RSF1: variants seen among roughly 807,000 people sequenced by gnomAD.
RSF1 encodes HBV pX-associated protein 8.
In RSF1, 13 loss-of-function variants were observed where a neutral mutation model predicts 145.2. The observed-to-expected ratio is 0.09, with a 90% CI of 0.06 to 0.14. RSF1 has a LOEUF of 0.14. Among genes scored for constraint, RSF1 ranks in the 10% least tolerant of loss-of-function variants. The pLI is 1.00. For missense variants in RSF1, 1,517 were observed against 1,718.2 expected, an observed-to-expected ratio of 0.88 and a Z score of 2.07; for synonymous variants, 577 against 592.6, an observed-to-expected ratio of 0.97 and a Z score of 0.38.
intron 15 of RSF1, among the ~76,000 whole-genome samples, chr11:77,671,634 A>ATTTTT (rs145812199): frequency 1.6e-5 from 2 of 122,382 alleles, no homozygotes; most frequent in East Asian, 4.8e-4. Context: ...GGTTATATGG[A>ATTTTT]TTTTTTTTTT....
chr11:77,783,962 G>A (rs922720248), intron 1 of RSF1, among the ~76,000 whole-genome samples: 1 of 152,132 alleles, frequency 6.6e-6, no homozygotes, highest in Non-Finnish European at 1.5e-5. Context: ...ACTGCTTTCT[G>A]GCAAAGGACA....
At chr11:77,679,048 T>C (rs1460882781) in intron 11 of RSF1, among the ~76,000 whole-genome samples, 1 of 152,240 alleles carries the variant, frequency 6.6e-6, no homozygotes, top group Non-Finnish European at 1.5e-5. Flanking sequence ...TTTCAGACAA[T>C]GCAGTCTCTG....
At chr11:77,791,385 T>G (rs1948515588) in intron 1 of RSF1, among the ~76,000 whole-genome samples, 1 of 152,212 alleles carries the variant, frequency 6.6e-6, no homozygotes, top group South Asian at 2.1e-4. Flanking sequence ...TGGGATGGGA[T>G]GCCGTGAAGA....
In RSF1 at chr11:77,665,315, C is replaced by A. The variant is rs1959334048; in HGVS notation, c.*1602G>T. ...TGGGCCAGCAGCAGATATGGTGTGT[C>A]CATTGCCGGCAACAGACACAACACC... On this transcript the variant is annotated 3_prime_UTR_variant, in exon 16 of 16. Transcript: ENST00000308488. The A allele has an allele frequency of 6.6e-6, 1 of 152,126 alleles. No homozygotes were observed. The highest frequency in any genetic ancestry group is 2.1e-4 in the South Asian group (1 of 4,828). 9.4% of individuals were successfully genotyped at this position (152,126 alleles called of 1,614,324 possible).
At chr11:77,674,317 T>C (rs1377840502) in intron 14 of RSF1, among the ~76,000 whole-genome samples, 3 of 152,242 alleles carry the variant, frequency 2.0e-5, no homozygotes, top group South Asian at 4.1e-4. Flanking sequence ...TCATTTCTTG[T>C]AGCGGTTGAG....
chr11:77,766,234 A>T lies in RSF1; in HGVS notation c.188-1545T>A, dbSNP rs188310562. On this transcript the variant is annotated intron_variant, in intron 1 of 15. Coordinates refer to ENST00000308488, the MANE Select transcript of RSF1 (RefSeq NM_016578.4). ...TTGTGAATATCCAAAATAGGTACATAATCTGCAGCGTTCTCTAACATATTT... is the reference window on the plus strand; with the variant it reads ...TTGTGAATATCCAAAATAGGTACATTATCTGCAGCGTTCTCTAACATATTT... 2.6e-5 allele frequency among the ~76,000 whole-genome samples: 4 copies of T among 152,306 alleles called. No homozygotes were observed. The East Asian group carries it at 5.8e-4, about 22-fold the overall frequency.
intron 1 of RSF1, among the ~76,000 whole-genome samples, chr11:77,804,111 C>T (rs1948654106): frequency 6.6e-6 from 1 of 152,172 alleles, no homozygotes. Context: ...AGTTTCCTGA[C>T]TGGTGAACAC....
In RSF1 at chr11:77,701,935, T is replaced by G; in HGVS notation, c.1294A>C (p.Thr432Pro). Reference sequence around the variant, plus strand: ...TGTTTCCCTTCATGACCCAAAGCAGTGATTGTAGAGATCCTTTTACAAGTC... The same window carrying G: ...TGTTTCCCTTCATGACCCAAAGCAGGGATTGTAGAGATCCTTTTACAAGTC... ...EETCKRISTI[T>P]ALGHEGKQLV... is the part of the protein sequence containing the mutation. The change falls in exon 6 of 16, where the codon ACT (threonine) becomes CCT (proline). Residue 432 changes from threonine (T) to proline (P), a missense_variant. By Grantham distance (38) the Thr-to-Pro change is conservative. Around this residue, in one of 12 missense-constraint regions of RSF1, gnomAD observed 579 missense variants for 553.5 expected, o/e 1.05. Transcript: ENST00000308488. 1 of 1,613,502 alleles carries G rather than the reference T, an allele frequency of 6.2e-7. No homozygotes were observed. The highest frequency in any genetic ancestry group is 1.3e-5 in the African/African-American group (1 of 74,994).
rs1431718071 is a variant in RSF1 at position 77,762,032 on chromosome 11, T to TTC, written c.279+2565_279+2566insGA. On this transcript the variant is annotated intron_variant, in intron 2 of 15. Transcript: ENST00000308488. ...GTATTATTTTCTTTTCTTTTCTTTT[T>TTC]TTTTTTTTTTTTTTTTTGTAGAGAT... 5.5e-4 allele frequency: 55 copies of TTC among 100,650 alleles called. 2 individuals are homozygous for TTC. The highest frequency in any genetic ancestry group is 4.9e-3 in the Middle Eastern group (1 of 204). The allele number at this position is 100,650 out of a possible 1,614,324, so 6.2% of individuals were successfully genotyped here.
At chr11:77,671,805 T>C (rs1398394716) in intron 15 of RSF1, among the ~76,000 whole-genome samples, 2 of 152,074 alleles carry the variant, frequency 1.3e-5, no homozygotes, top group African/African-American at 4.8e-5. Context: ...GGCTAATTTT[T>C]TTATTTTTAG....
At chr11:77,734,773 T>C in intron 4 of RSF1, 4 of 1,590,748 alleles carry the variant, frequency 2.5e-6, no homozygotes, top group South Asian at 1.1e-5. Context: ...TTTTTTGATA[T>C]CCTGAAGGAA....
chr11:77,793,404 A>G (rs892978580), intron 1 of RSF1, among the ~76,000 whole-genome samples: 1 of 152,190 alleles, frequency 6.6e-6, no homozygotes, highest in Non-Finnish European at 1.5e-5. Context: ...AGATTGCTTA[A>G]GTCCAGGAAT....
intron 6 of RSF1, 45 bp downstream of exon 6, chr11:77,700,674 AAT>A: frequency 1.4e-6 from 2 of 1,387,012 alleles, no homozygotes; most frequent in Non-Finnish European, 1.9e-6. Flanking sequence ...AAAACCTATT[AAT>A]ATATAGAGAC....
At chr11:77,719,749 T>C (rs150478318) in intron 5 of RSF1, among the ~76,000 whole-genome samples, 1 of 152,324 alleles carries the variant, frequency 6.6e-6, no homozygotes, top group Non-Finnish European at 1.5e-5. Context: ...CAAATAAATA[T>C]TATTCATGTG....
chr11:77,771,550 G>A (rs147109401), intron 1 of RSF1, among the ~76,000 whole-genome samples: 1 of 152,286 alleles, frequency 6.6e-6, no homozygotes, highest in Non-Finnish European at 1.5e-5. Flanking sequence ...TAAGGGTAAT[G>A]AGACCCCACA....
At chr11:77,729,279 T>A (rs1316234960) in intron 4 of RSF1, among the ~76,000 whole-genome samples, 1 of 152,194 alleles carries the variant, frequency 6.6e-6, no homozygotes, top group African/African-American at 2.4e-5. Flanking sequence ...AAGGAAAGGA[T>A]GTAGCTGCTA....
At chr11:77,794,644 A>G (rs915498258) in intron 1 of RSF1, among the ~76,000 whole-genome samples, 7 of 152,190 alleles carry the variant, frequency 4.6e-5, no homozygotes, top group Non-Finnish European at 8.8e-5. Context: ...GAAACAAATT[A>G]TCAATCTCTT....
chr11:77,765,056 C>A (rs1194376729), intron 1 of RSF1, among the ~76,000 whole-genome samples: 1 of 151,762 alleles, frequency 6.6e-6, no homozygotes, highest in Non-Finnish European at 1.5e-5. Flanking sequence ...AGTATGGGGA[C>A]AGGGATACAT....
At chr11:77,790,198 G>A (rs1472993521) in intron 1 of RSF1, among the ~76,000 whole-genome samples, 1 of 152,166 alleles carries the variant, frequency 6.6e-6, no homozygotes, top group African/African-American at 2.4e-5. Flanking sequence ...CATGGCTAGG[G>A]AGGCTTCACA....
Sources: gnomAD v4.1 joint callset for allele counts (sites outside exome capture counted in the v4.1 genomes callset) on GRCh38, gnomAD v4.1.1 for gene constraint, gnomAD v4.1.1 regional missense constraint, MANE v1.5 for transcripts, NCBI Gene and HGNC (gene_info 2026-07-23, HGNC 2026-07-21) for gene names.